NMNAT2: variants seen among roughly 807,000 people sequenced by gnomAD.
NMNAT2 encodes the protein nicotinamide/nicotinic acid mononucleotide adenylyltransferase 2.
NMNAT2 carries 11 observed loss-of-function variants against 41.6 expected under a neutral mutation model. The ratio of observed to expected loss-of-function variants is 0.26; its 90% CI spans 0.17 to 0.44. The LOEUF is 0.44. Ranked by LOEUF, NMNAT2 falls within the 20% of genes least tolerant of loss-of-function variation. The pLI is 1.00. For synonymous variants in NMNAT2, 148 were observed against 151.2 expected (o/e 0.98, Z 0.16); for missense variants, 288 against 407.7 (o/e 0.71, Z 2.53).
At chr1:183,357,217 TTC>T (rs369863341) in intron 1 of NMNAT2, among the ~76,000 whole-genome samples, 2 of 143,268 alleles carry the variant, frequency 1.4e-5, no homozygotes, top group Non-Finnish European at 3.0e-5. Context: ...AGACATCAAA[TTC>T]TTTTTTTTTT....
chr1:183,381,230 T>A (rs548766717), intron 1 of NMNAT2, among the ~76,000 whole-genome samples: 3 of 152,274 alleles, frequency 2.0e-5, no homozygotes, highest in Admixed American at 6.5e-5. Flanking sequence ...ATTGGCAACC[T>A]TTTGGGTCCT....
intron 1 of NMNAT2, among the ~76,000 whole-genome samples, chr1:183,358,449 A>G (rs1176287170): frequency 6.6e-6 from 1 of 152,226 alleles, no homozygotes; most frequent in Non-Finnish European, 1.5e-5. Context: ...AAACTAGAAC[A>G]TCTCAGGGGA....
rs534910762 is a variant in NMNAT2 at position 183,399,357 on chromosome 1, AC to A, written c.85+18825del. 4.6e-3 allele frequency among the ~76,000 whole-genome samples: 695 copies of A among 152,280 alleles called. 6 individuals are homozygous for A. The highest frequency in any genetic ancestry group is 0.015 in the African/African-American group (637 of 41,562). On this transcript the variant is annotated intron_variant, in intron 1 of 10. Coordinates refer to ENST00000287713, the MANE Select transcript of NMNAT2 (RefSeq NM_015039.4). ...GACATATACACCCTCCCAAGACTAA[AC>A]CAGGAAGAAGTTGAATCCTTGAATA...
intron 1 of NMNAT2, among the ~76,000 whole-genome samples, chr1:183,355,475 G>A (rs1414333379): frequency 6.6e-6 from 1 of 152,218 alleles, no homozygotes; most frequent in Non-Finnish European, 1.5e-5. Context: ...GAGTGATTCT[G>A]ATGCACATTA....
At chr1:183,282,264 A>T (rs1436424643) in intron 7 of NMNAT2, among the ~76,000 whole-genome samples, 1 of 152,086 alleles carries the variant, frequency 6.6e-6, no homozygotes, top group Admixed American at 6.5e-5. Flanking sequence ...GTGAGAGGTC[A>T]CTCCCCAGCA....
intron 1 of NMNAT2, among the ~76,000 whole-genome samples, chr1:183,398,631 C>T (rs541460350): frequency 1.4e-4 from 22 of 152,142 alleles, no homozygotes; most frequent in Admixed American, 4.6e-4. Context: ...CCACATCACA[C>T]GTATTCCAAA....
intron 1 of NMNAT2, among the ~76,000 whole-genome samples, chr1:183,341,724 C>CAAAAAAAAAAAAAA (rs1557883660): frequency 3.2e-4 from 5 of 15,812 alleles, no homozygotes; most frequent in African/African-American, 9.9e-4. Context: ...CAAACAAACA[C>CAAAAAAAAAAAAAA]CAAAAAAAAA....
intron 7 of NMNAT2, among the ~76,000 whole-genome samples, chr1:183,280,594 G>C (rs528306635): frequency 6.6e-6 from 1 of 151,526 alleles, no homozygotes; most frequent in Admixed American, 6.6e-5. Context: ...CACCATGTTG[G>C]CCAGGCAGTT....
intron 1 of NMNAT2, among the ~76,000 whole-genome samples, chr1:183,354,465 G>A (rs986839574): frequency 7.3e-6 from 1 of 136,802 alleles, no homozygotes; most frequent in African/African-American, 2.8e-5. Context: ...AGGCTGGAGT[G>A]CAGTGGTGTG....
intron 1 of NMNAT2, among the ~76,000 whole-genome samples, chr1:183,410,528 T>A (rs1200592301): frequency 6.6e-6 from 1 of 151,966 alleles, no homozygotes; most frequent in Admixed American, 6.6e-5. Flanking sequence ...CCTTTGCCCA[T>A]CACCTTTCGA....
intron 1 of NMNAT2, among the ~76,000 whole-genome samples, chr1:183,307,092 T>C (rs1250676415): frequency 6.6e-6 from 1 of 152,192 alleles, no homozygotes; most frequent in African/African-American, 2.4e-5. Context: ...GTGGGAGTTA[T>C]TAAATCTGAG....
At chr1:183,278,233 G>C (rs192293602) in intron 8 of NMNAT2, among the ~76,000 whole-genome samples, 2 of 152,126 alleles carry the variant, frequency 1.3e-5, no homozygotes, top group African/African-American at 4.8e-5. Flanking sequence ...AATCTTAAAA[G>C]GGCAAAGATT....
At chr1:183,322,403 C>G (rs1662374069) in intron 1 of NMNAT2, among the ~76,000 whole-genome samples, 1 of 152,148 alleles carries the variant, frequency 6.6e-6, no homozygotes, top group African/African-American at 2.4e-5. Flanking sequence ...TGTACTGCAC[C>G]TGCAGCCTTG....
At chr1:183,339,715 G>A (rs1335403829) in intron 1 of NMNAT2, among the ~76,000 whole-genome samples, 1 of 152,110 alleles carries the variant, frequency 6.6e-6, no homozygotes, top group Non-Finnish European at 1.5e-5. Flanking sequence ...TCATTTAGTT[G>A]TTACACAATG....
rs57569629 is a variant in NMNAT2, at chr1:183,370,223, TACACACACACAC to T, written c.85+47948_85+47959del. ...ACTTCCTACCACTACTATCAACACA[TACACACACACAC>T]ACACACACACACACACACACACACA... On this transcript the variant is annotated intron_variant, in intron 1 of 10. Transcript: ENST00000287713. Among the ~76,000 whole-genome samples the T allele has an allele frequency of 4.8e-3, 541 of 112,818 alleles. 1 individual carries two copies. The highest frequency in any genetic ancestry group is 0.013 in the African/African-American group (383 of 30,124). 74.0% of individuals were successfully genotyped at this position (112,818 alleles called of 152,430 possible). A position where few individuals can be genotyped will look rare whatever the true frequency, so the allele number is the denominator to read the frequency against.
At chr1:183,336,562 C>T (rs1010990123) in intron 1 of NMNAT2, among the ~76,000 whole-genome samples, 10 of 152,132 alleles carry the variant, frequency 6.6e-5, no homozygotes, top group African/African-American at 2.4e-4. Context: ...ACTGACATTA[C>T]CAAATATTGT....
chr1:183,389,748 GAAAGA>G, intron 1 of NMNAT2, among the ~76,000 whole-genome samples: 1 of 7,872 alleles, frequency 1.3e-4, no homozygotes, highest in African/African-American at 4.4e-4. Context: ...AAGAAAGAAA[GAAAGA>G]AAGAAAGAAA....
At chr1:183,258,800 AACTG>A (rs1660586416) in intron 10 of NMNAT2, among the ~76,000 whole-genome samples, 3 of 151,956 alleles carry the variant, frequency 2.0e-5, no homozygotes, top group Admixed American at 2.0e-4. Flanking sequence ...CCCACCCAGG[AACTG>A]ACTCAGTGCA....
chr1:183,391,982 C>G (rs1648496537), intron 1 of NMNAT2, among the ~76,000 whole-genome samples: 1 of 152,214 alleles, frequency 6.6e-6, no homozygotes, highest in South Asian at 2.1e-4. Context: ...AGTCCTTGAC[C>G]TCTTCTCCAA....
Sources: gnomAD v4.1 joint callset for allele counts (sites outside exome capture counted in the v4.1 genomes callset) on GRCh38, gnomAD v4.1.1 for gene constraint, MANE v1.5 for transcripts, NCBI Gene and HGNC (gene_info 2026-07-23, HGNC 2026-07-21) for gene names.